ERN1: variants seen among roughly 807,000 people sequenced by gnomAD.
The protein encoded by ERN1 is endoplasmic reticulum to nucleus signaling 1.
Under a neutral mutation model 113.1 loss-of-function variants are expected in ERN1, and 39 were observed. That is an observed-to-expected ratio of 0.34 (90% CI 0.27 to 0.45). ERN1 has a LOEUF of 0.45. Ranked by LOEUF, ERN1 falls within the 20% of genes least tolerant of loss-of-function variation. The pLI, the probability that ERN1 is intolerant of heterozygous loss-of-function variation, is 1.00. For missense variants in ERN1, 976 were observed against 1,274.8 expected, an observed-to-expected ratio of 0.77 and a Z score of 3.57; for synonymous variants, 507 against 515.9, an observed-to-expected ratio of 0.98 and a Z score of 0.23.
rs900582303 is a variant in ERN1 at position 64,068,221 on chromosome 17, C to T, written c.549G>A (p.Ala183=). 15 of 1,611,804 alleles carry T rather than the reference C, an allele frequency of 9.3e-6. No homozygotes were observed. Among genetic ancestry groups the T allele is most frequent in the Non-Finnish European group, 1.3e-5 (15 of 1,179,068 alleles). Residue 183 remains alanine (A), a synonymous_variant, in exon 7 of 22, where the codon GCG becomes GCA. Transcript: ENST00000433197. ...LRWNATYFDY[A]ASLPEDDVDY... ...CCACGTCGTCCTCAGGCAGTGAGGC[C>T]GCATAGTCAAAGTAGGTGGCATTCC...
intron 16 of ERN1, 59 bp from the exon 17 acceptor site, chr17:64,053,038 A>T (rs1297197393): frequency 1.5e-6 from 1 of 655,784 alleles, no homozygotes; most frequent in Non-Finnish European, 2.5e-6. Context: ...GGCCTCCTCC[A>T]ATGGGGAATG....
chr17:64,053,022 A>T, intron 16 of ERN1, 43 bp from the exon 17 acceptor site: 1 of 1,385,694 alleles, frequency 7.2e-7, no homozygotes, highest in Non-Finnish European at 9.5e-7. Context: ...ACCAGGAGCA[A>T]CCCCAGGCCT....
At chr17:64,088,283 C>G (rs1241890456) in intron 2 of ERN1, among the ~76,000 whole-genome samples, 1 of 152,170 alleles carries the variant, frequency 6.6e-6, no homozygotes, top group Non-Finnish European at 1.5e-5. Flanking sequence ...CTGACCCCAT[C>G]TGACCACCCT....
intron 2 of ERN1, among the ~76,000 whole-genome samples, chr17:64,086,515 C>T (rs1913928882): frequency 6.6e-6 from 1 of 151,900 alleles, no homozygotes; most frequent in Admixed American, 6.6e-5. Flanking sequence ...TACCTATTTA[C>T]CTGCTGAGGG....
At chr17:64,114,824 A>G (rs983470854) in intron 1 of ERN1, among the ~76,000 whole-genome samples, 1 of 152,098 alleles carries the variant, frequency 6.6e-6, no homozygotes, top group African/African-American at 2.4e-5. Flanking sequence ...CATTCGACTG[A>G]TGTTGCCTAG....
intron 2 of ERN1, among the ~76,000 whole-genome samples, chr17:64,090,583 C>G (rs1914060701): frequency 6.6e-6 from 1 of 152,206 alleles, no homozygotes; most frequent in African/African-American, 2.4e-5. Flanking sequence ...AACTAAGTCA[C>G]AGACAAAATA....
chr17:64,114,273 C>T (rs1011122056), intron 1 of ERN1, among the ~76,000 whole-genome samples: 3 of 152,030 alleles, frequency 2.0e-5, no homozygotes, highest in African/African-American at 4.8e-5. Flanking sequence ...TAGGAGACCC[C>T]AGTAATCAAT....
At chr17:64,113,556 C>G (rs1307998444) in intron 1 of ERN1, among the ~76,000 whole-genome samples, 1 of 151,842 alleles carries the variant, frequency 6.6e-6, no homozygotes, top group East Asian at 1.9e-4. Context: ...GTCACCCAGG[C>G]TGGAGTGCAG....
chr17:64,092,123 G>T (rs1420173897), intron 2 of ERN1, among the ~76,000 whole-genome samples: 1 of 152,128 alleles, frequency 6.6e-6, no homozygotes, highest in Non-Finnish European at 1.5e-5. Flanking sequence ...TGGTCAGGAG[G>T]CTGCTGCATT....
rs117268598 is a variant in ERN1, at chr17:64,062,302, T to C, written c.1087+1684A>G. ...GCCTCTCAAGCTAATTGGATCCTTG[T>C]ATTTTCACGATTAATGACAACCTGG... On this transcript the variant is annotated intron_variant, in intron 10 of 21. Transcript: ENST00000433197. 5.2e-5 allele frequency among the ~76,000 whole-genome samples: 8 copies of C among 152,404 alleles called. No individual in the cohort carries two copies. In the East Asian group the frequency reaches 1.5e-3, roughly 29 times the overall value.
chr17:64,091,493 G>A (rs895817102), intron 2 of ERN1, among the ~76,000 whole-genome samples: 2 of 152,190 alleles, frequency 1.3e-5, no homozygotes, highest in African/African-American at 4.8e-5. Flanking sequence ...GGAAGCAAAT[G>A]AGAACAAAAA....
chr17:64,054,865 G>T lies in ERN1; in HGVS notation c.1673-37C>A, dbSNP rs1217879764. 1.4e-6 allele frequency: 2 copies of T among 1,468,974 alleles called. No individual in the cohort carries two copies. The highest frequency in any genetic ancestry group is 1.4e-5 in the African/African-American group (1 of 72,036). 91.0% of individuals were successfully genotyped at this position (1,468,974 alleles called of 1,614,324 possible). On this transcript the variant is annotated intron_variant, in intron 13 of 21. Transcript: ENST00000433197. This position sits in a 1 kb window ranked among gnomAD's most constrained non-coding sequence, Gnocchi z 4.9. ...TAGGAAAAAGAGATTGTTTCAAACA[G>T]ATATCACCTAAAGAACCTTGAGGTT...
chr17:64,060,084 A>C (rs964991654), intron 11 of ERN1, among the ~76,000 whole-genome samples: 2 of 151,470 alleles, frequency 1.3e-5, no homozygotes, highest in Non-Finnish European at 2.9e-5. Flanking sequence ...ACTACCCCCT[A>C]CTTAGTAGCC....
intron 13 of ERN1, among the ~76,000 whole-genome samples, chr17:64,055,305 T>C (rs1912824408): frequency 6.6e-6 from 1 of 152,254 alleles, no homozygotes. Flanking sequence ...ATTGGGGCTC[T>C]GACAACTGGC....
At chr17:64,064,182 C>T (rs1246073322) in intron 9 of ERN1, 31 bp from the exon 10 acceptor site, 1 of 1,557,038 alleles carries the variant, frequency 6.4e-7, no homozygotes, top group Non-Finnish European at 8.7e-7. Context: ...GGGTCAGGAG[C>T]CCTGGAGGGA....
intron 12 of ERN1, among the ~76,000 whole-genome samples, chr17:64,057,251 A>C (rs1433956003): frequency 1.3e-5 from 2 of 152,252 alleles, no homozygotes; most frequent in Non-Finnish European, 2.9e-5. Context: ...AGGCTTATAA[A>C]TCAGCTCTTA....
At chr17:64,106,042 C>T (rs1256272619) in intron 1 of ERN1, among the ~76,000 whole-genome samples, 1 of 152,034 alleles carries the variant, frequency 6.6e-6, no homozygotes, top group Non-Finnish European at 1.5e-5. Flanking sequence ...GAATATCATA[C>T]AATACCATGT....
rs572863267 is a variant in ERN1, at chr17:64,089,352, C to T, written c.176-8544G>A. Among the ~76,000 whole-genome samples, 8 of 139,280 alleles carry T rather than the reference C, an allele frequency of 5.7e-5. No individual in the cohort carries two copies. In the South Asian group the frequency reaches 1.6e-3, roughly 28 times the overall value. 91.4% of individuals were successfully genotyped at this position (139,280 alleles called of 152,430 possible). On this transcript the variant is annotated intron_variant, in intron 2 of 21. Coordinates refer to ENST00000433197, the MANE Select transcript of ERN1 (RefSeq NM_001433.5). ...AAAAAAAAAAAAAAAAAAAGAGGAA[C>T]GTGACACAGGGTGAGCATCCCAAAT...
chr17:64,123,261 G>A (rs1378986730), intron 1 of ERN1, among the ~76,000 whole-genome samples: 1 of 152,122 alleles, frequency 6.6e-6, no homozygotes, highest in African/African-American at 2.4e-5. Flanking sequence ...CAAAACCAGA[G>A]AATTATCCCG....
Sources: gnomAD v4.1 joint callset for allele counts (sites outside exome capture counted in the v4.1 genomes callset) on GRCh38, gnomAD v4.1.1 for gene constraint, Gnocchi (gnomAD v3.1) non-coding constraint, MANE v1.5 for transcripts, NCBI Gene and HGNC (gene_info 2026-07-23, HGNC 2026-07-21) for gene names.